The following PTPRT variants were observed in gnomAD, a reference collection of about 807,000 sequenced individuals.
PTPRT encodes receptor-type tyrosine-protein phosphatase T.
Under a neutral mutation model 176.8 loss-of-function variants are expected in PTPRT, and 56 were observed. The ratio of observed to expected loss-of-function variants is 0.32; its 90% CI spans 0.26 to 0.40. The LOEUF is 0.40. Among genes scored for constraint, PTPRT ranks in the 10% least tolerant of loss-of-function variants. The pLI, the probability that PTPRT is intolerant of heterozygous loss-of-function variation, is 1.00. For synonymous variants in PTPRT, 783 were observed against 739.0 expected (o/e 1.06, Z -0.96); for missense variants, 1,540 against 1,908.2 (o/e 0.81, Z 3.60).
chr20:43,182,760 T>C (rs1260394601), intron 1 of PTPRT, among the ~76,000 whole-genome samples: 1 of 152,058 alleles, frequency 6.6e-6, no homozygotes, highest in Non-Finnish European at 1.5e-5. Flanking sequence ...TGGGTGTTGA[T>C]GGAAGCCCCC....
intron 9 of PTPRT, among the ~76,000 whole-genome samples, chr20:42,442,237 T>C (rs1266686412): frequency 6.6e-6 from 1 of 152,236 alleles, no homozygotes; most frequent in Admixed American, 6.5e-5. Flanking sequence ...TCAGAACTCC[T>C]GTCTCGGAAG....
chr20:42,714,006 A>G (rs566983039), intron 6 of PTPRT, among the ~76,000 whole-genome samples: 4 of 152,212 alleles, frequency 2.6e-5, no homozygotes, highest in Non-Finnish European at 5.9e-5. Context: ...ATCCAGTCTC[A>G]GGTATTTCTT....
intron 1 of PTPRT, among the ~76,000 whole-genome samples, chr20:43,048,966 T>C (rs2146228046): frequency 6.6e-6 from 1 of 152,286 alleles, no homozygotes; most frequent in African/African-American, 2.4e-5. Flanking sequence ...ACCCTTGGCC[T>C]GACTCCCAAG....
At position 42,299,091 on chromosome 20, in the gene PTPRT, A is replaced by C. The variant is rs191626702; in HGVS notation, c.2140-16566T>G. 6.7e-3 allele frequency among the ~76,000 whole-genome samples: 1,022 copies of C among 152,244 alleles called. 22 individuals carry two copies. The highest frequency in any genetic ancestry group is 0.023 in the African/African-American group (957 of 41,500). ...GACTTCAAAATTTTCACAAAAAAAA[A>C]CCGCCAAGAAATTAATGACATTGGT... On this transcript the variant is annotated intron_variant, in intron 12 of 30. Coordinates refer to ENST00000373187, the MANE Select transcript of PTPRT (RefSeq NM_007050.6).
At chr20:42,971,236 T>C (rs1982619554) in intron 1 of PTPRT, 1 of 152,214 alleles carries the variant, frequency 6.6e-6, no homozygotes, top group African/African-American at 2.4e-5. Context: ...CTAATTGCTG[T>C]ATCTGAAAGT....
intron 27 of PTPRT, among the ~76,000 whole-genome samples, chr20:42,090,496 C>CCT (rs1984500014): frequency 6.6e-6 from 1 of 152,070 alleles, no homozygotes; most frequent in African/African-American, 2.4e-5. Flanking sequence ...CAGTGTGTCA[C>CCT]ATAACCCTGC....
intron 6 of PTPRT, among the ~76,000 whole-genome samples, chr20:42,741,009 G>T (rs1225089116): frequency 6.6e-6 from 1 of 152,202 alleles, no homozygotes; most frequent in African/African-American, 2.4e-5. Context: ...GCATGCTGGA[G>T]AAAGGATAAA....
At chr20:43,165,559 C>T (rs2146450219) in intron 1 of PTPRT, among the ~76,000 whole-genome samples, 1 of 152,260 alleles carries the variant, frequency 6.6e-6, no homozygotes, top group South Asian at 2.1e-4. Context: ...CCATGTGAGT[C>T]CATTAAACCT....
intron 6 of PTPRT, among the ~76,000 whole-genome samples, chr20:42,748,293 G>A (rs931203646): frequency 1.3e-5 from 2 of 152,158 alleles, no homozygotes; most frequent in African/African-American, 4.8e-5. Flanking sequence ...GCAGAGGCCA[G>A]ATGTTAGCCC....
chr20:42,300,929 A>C (rs554828935), intron 12 of PTPRT, among the ~76,000 whole-genome samples: 98 of 131,838 alleles, frequency 7.4e-4, no homozygotes, highest in African/African-American at 2.8e-3. Context: ...GGACACAGGA[A>C]GGGGAACATC....
chr20:42,396,014 G>A (rs575048099), intron 9 of PTPRT, among the ~76,000 whole-genome samples: 39 of 152,066 alleles, frequency 2.6e-4, no homozygotes, highest in African/African-American at 8.9e-4. Context: ...TAACATCTCC[G>A]TCCTCTACTT....
At chr20:43,090,922 A>G (rs1388775463) in intron 1 of PTPRT, among the ~76,000 whole-genome samples, 2 of 152,214 alleles carry the variant, frequency 1.3e-5, no homozygotes, top group Non-Finnish European at 2.9e-5. Flanking sequence ...GAACAGGATA[A>G]ATGAAAAATA....
intron 6 of PTPRT, among the ~76,000 whole-genome samples, chr20:42,752,404 T>A (rs913497931): frequency 3.9e-5 from 6 of 152,170 alleles, no homozygotes; most frequent in Admixed American, 3.3e-4. Flanking sequence ...AGAGGTTAGA[T>A]CATGTTCAAG....
intron 17 of PTPRT, among the ~76,000 whole-genome samples, chr20:42,150,591 T>A (rs1260509508): frequency 2.0e-5 from 3 of 152,204 alleles, no homozygotes; most frequent in Non-Finnish European, 4.4e-5. Flanking sequence ...TGTCAAGAAA[T>A]ACACTTGCAC....
At position 42,430,433 on chromosome 20, in the gene PTPRT, A is replaced by G. The variant is rs540977957; in HGVS notation, c.1560+17787T>C. Among the ~76,000 whole-genome samples, 8 of 152,306 alleles carry G rather than the reference A, an allele frequency of 5.3e-5. No homozygotes were observed. The East Asian group carries it at 1.5e-3, about 29-fold the overall frequency. On this transcript the variant is annotated intron_variant, in intron 9 of 30. Coordinates refer to ENST00000373187, the MANE Select transcript of PTPRT (RefSeq NM_007050.6). ...CAGAAGACCTGGGGTGGGGACAGAG[A>G]TAGCACTTTCCTAAAAAGCTCCCAG... is the stretch of plus-strand genomic sequence containing the variant.
At chr20:42,667,981 T>C (rs1457283550) in intron 7 of PTPRT, among the ~76,000 whole-genome samples, 1 of 152,118 alleles carries the variant, frequency 6.6e-6, no homozygotes, top group Non-Finnish European at 1.5e-5. Flanking sequence ...CAATCTCCTA[T>C]TGGGATAGAA....
intron 1 of PTPRT, among the ~76,000 whole-genome samples, chr20:42,947,536 A>T (rs1425260237): frequency 6.6e-6 from 1 of 152,144 alleles, no homozygotes; most frequent in Non-Finnish European, 1.5e-5. Context: ...TCTCTGGGGG[A>T]CCAGACCAAA....
intron 1 of PTPRT, among the ~76,000 whole-genome samples, chr20:43,162,360 T>C (rs1016894187): frequency 6.6e-6 from 1 of 152,228 alleles, no homozygotes; most frequent in Non-Finnish European, 1.5e-5. Context: ...CTTATAACTA[T>C]GCCCCTTTGA....
At chr20:42,462,520 G>T (rs1313440612) in intron 8 of PTPRT, among the ~76,000 whole-genome samples, 1 of 152,208 alleles carries the variant, frequency 6.6e-6, no homozygotes, top group East Asian at 1.9e-4. Context: ...AAGCTGGGTA[G>T]AGAAGGGAAT....
Sources: allele counts gnomAD v4.1 joint callset (sites outside exome capture counted in the v4.1 genomes callset), GRCh38; gene constraint gnomAD v4.1.1; transcripts MANE v1.5; gene names NCBI Gene and HGNC (gene_info 2026-07-23, HGNC 2026-07-21).